The following ZNF675 variants were observed in gnomAD, a reference collection of about 807,000 sequenced individuals.
ZNF675 encodes the protein TRAF6 inhibitory zinc finger.
ZNF675 carries 36 observed loss-of-function variants against 56.1 expected under a neutral mutation model. The observed-to-expected ratio is 0.64, with a 90% confidence interval of 0.49 to 0.85. The LOEUF is 0.85. Ranked by LOEUF, ZNF675 falls within the 40% of genes least tolerant of loss-of-function variation. The pLI is 0.00. For synonymous variants in ZNF675, 200 were observed against 218.9 expected, an observed-to-expected ratio of 0.91 and a Z score of 0.76; for missense variants, 663 against 654.2, an observed-to-expected ratio of 1.01 and a Z score of -0.15.
chr19:23,680,363 A>G (rs1361504825), intron 1 of ZNF675, among the ~76,000 whole-genome samples: 1 of 151,850 alleles, frequency 6.6e-6, no homozygotes, highest in African/African-American at 2.4e-5. Flanking sequence ...CCATAAAAAG[A>G]GACCAAGATC....
In ZNF675 at chr19:23,661,874, C is replaced by T. The variant is rs147899644; in HGVS notation, c.226+240G>A. 7.1e-5 allele frequency: 28 copies of T among 395,742 alleles called. No individual in the cohort carries two copies. In the East Asian group the frequency reaches 1.3e-3, roughly 19 times the overall value. 24.5% of individuals were successfully genotyped at this position (395,742 alleles called of 1,614,324 possible). A position where few individuals can be genotyped will look rare whatever the true frequency, so the allele number is the denominator to read the frequency against. On this transcript the variant is annotated intron_variant, in intron 3 of 3. Transcript: ENST00000359788. ...AGTCTCTTGTATGCCATGAAGCGGA[C>T]ACTGGTTCTCACCGAAAACTTAAAG...
At chr19:23,683,091 A>G (rs571980167) in intron 1 of ZNF675, among the ~76,000 whole-genome samples, 11 of 151,458 alleles carry the variant, frequency 7.3e-5, no homozygotes, top group African/African-American at 2.4e-4. Flanking sequence ...CGGGTGGCTG[A>G]GGCAGAAGAA....
Position 23,653,651 on chromosome 19 carries a change from C to A in ZNF675, c.1282G>T (p.Glu428Ter), listed in dbSNP as rs373298811. ...HTGEKPYKCE[E>*]CGKAFNRSSK... The stretch of plus-strand genomic sequence containing the variant: ...GATCGGTTAAAAGCTTTGCCACATT[C>A]TTCACATTTGTAGGGTTTCTCTCCA... The change falls in exon 4 of 4, where the codon GAA becomes TAA. Residue 428 changes from glutamate (E) to a stop codon, truncating the protein, a stop_gained. Transcript: ENST00000359788. LOFTEE classifies it high-confidence loss of function. 6.8e-6 allele frequency: 11 copies of A among 1,613,568 alleles called. No homozygotes were observed. The highest frequency in any genetic ancestry group is 1.3e-5 in the African/African-American group (1 of 74,886).
rs1283190794 is a variant in ZNF675 at position 23,686,903 on chromosome 19, G to C, written c.3+128C>G. 3.4e-6 allele frequency: 4 copies of C among 1,173,534 alleles called. No individual in the cohort carries two copies. In the African/African-American group the frequency reaches 6.0e-5, roughly 18 times the overall value. The allele number at this position is 1,173,534 out of a possible 1,614,324, so 72.7% of individuals were successfully genotyped here. ...GGCTGCAGGGGACTGAGCCGAGCTG[G>C]GGAAGGAGAACTCGGGGTGCAGATT... On this transcript the variant is annotated intron_variant, in intron 1 of 3. Transcript: ENST00000359788.
chr19:23,656,176 A>C (rs1370081401), intron 3 of ZNF675: 1 of 152,258 alleles, frequency 6.6e-6, no homozygotes, highest in Non-Finnish European at 1.5e-5. Flanking sequence ...AAGGAAAAGT[A>C]AAATTGGCAA....
Position 23,654,009 on chromosome 19 carries a change from T to C in ZNF675, c.924A>G (p.Gly308=), listed in dbSNP as rs1237260685. Residue 308 remains glycine (G), a synonymous_variant, in exon 4 of 4, where the codon GGA becomes GGG. Transcript: ENST00000359788. ...ATTCTTCACATATGTAGGGTTGCTC[T>C]CCAGTATGAATTTTTTTATGTGTAG... The part of the protein sequence containing the change: ...NLTTHKKIHT[G]EQPYICEECG... 6.2e-7 allele frequency: 1 copy of C among 1,613,918 alleles called. No individual in the cohort carries two copies. The highest frequency in any genetic ancestry group is 1.1e-5 in the South Asian group (1 of 91,076).
At chr19:23,654,923 A>G (rs1967962278) in intron 3 of ZNF675, 1 of 406,072 alleles carries the variant, frequency 2.5e-6, no homozygotes, top group Non-Finnish European at 4.4e-6. Context: ...CTACTCCCCA[A>G]TATAACATAA....
At position 23,662,219 on chromosome 19, in the gene ZNF675, T is replaced by C. The variant is rs372875132; in HGVS notation, c.131-10A>G. 17 of 1,591,662 alleles carry C rather than the reference T, an allele frequency of 1.1e-5. No homozygotes were observed. Among genetic ancestry groups the C allele is most frequent in the Non-Finnish European group, 1.5e-5 (17 of 1,163,246 alleles). Reference sequence around the variant, plus strand: ...TTAGAGACAGCAATACCTGTTTTATTAAAAAATAAATAACATTAATTTTGC... The same window carrying C: ...TTAGAGACAGCAATACCTGTTTTATCAAAAAATAAATAACATTAATTTTGC... On this transcript the variant is annotated splice_polypyrimidine_tract_variant and intron_variant, in intron 2 of 3. Coordinates refer to ENST00000359788, the MANE Select transcript of ZNF675 (RefSeq NM_138330.3).
chr19:23,667,921 G>C (rs1045271367), intron 1 of ZNF675, among the ~76,000 whole-genome samples: 8 of 149,238 alleles, frequency 5.4e-5, no homozygotes, highest in African/African-American at 7.5e-5. Flanking sequence ...GTGCCGACTG[G>C]TGTATTTACA....
At position 23,677,108 on chromosome 19, in the gene ZNF675, A is replaced by G. The variant is rs1267703696; in HGVS notation, c.3+9923T>C. ...AAAAAAAAGAGAAAAGAAAAAAAAG[A>G]AAAAGAAAACTGGCACAAGACAAGG... On this transcript the variant is annotated intron_variant, in intron 1 of 3. Transcript: ENST00000359788. Among the ~76,000 whole-genome samples, 10 of 145,848 alleles carry G rather than the reference A, an allele frequency of 6.9e-5. No individual in the cohort carries two copies. In the South Asian group the frequency reaches 2.2e-3, roughly 32 times the overall value.
chr19:23,657,803 C>A (rs1968007519), intron 3 of ZNF675, among the ~76,000 whole-genome samples: 1 of 152,034 alleles, frequency 6.6e-6, no homozygotes, highest in African/African-American at 2.4e-5. Flanking sequence ...AGAATACATA[C>A]AAGATAAGCC....
intron 1 of ZNF675, among the ~76,000 whole-genome samples, chr19:23,680,304 A>G (rs576484058): frequency 6.6e-6 from 1 of 151,742 alleles, no homozygotes; most frequent in South Asian, 2.1e-4. Flanking sequence ...CTCCGTCTCA[A>G]AAAAATAAAA....
chr19:23,662,996 A>C (rs1029538141), intron 2 of ZNF675, 36 bp downstream of exon 2: 4 of 1,521,162 alleles, frequency 2.6e-6, no homozygotes, highest in African/African-American at 2.9e-5. Context: ...AGAAAAACAA[A>C]AAAAAAAAGA....
chr19:23,677,310 A>G (rs1968311156), intron 1 of ZNF675, among the ~76,000 whole-genome samples: 1 of 151,732 alleles, frequency 6.6e-6, no homozygotes, highest in South Asian at 2.1e-4. Context: ...AAGTTCTGTA[A>G]GCTGACAAAC....
intron 3 of ZNF675, among the ~76,000 whole-genome samples, chr19:23,659,326 A>G (rs1968045734): frequency 6.6e-6 from 1 of 152,122 alleles, no homozygotes; most frequent in African/African-American, 2.4e-5. Flanking sequence ...CAGGAGTGAA[A>G]TTGGTAAGAT....
intron 1 of ZNF675, among the ~76,000 whole-genome samples, chr19:23,664,793 A>C (rs535373247): frequency 5.3e-5 from 8 of 152,032 alleles, no homozygotes; most frequent in African/African-American, 1.9e-4. Context: ...TCTACTAAAA[A>C]TACACAAATT....
chr19:23,667,708 C>T (rs2144935836), intron 1 of ZNF675, among the ~76,000 whole-genome samples: 1 of 149,676 alleles, frequency 6.7e-6, no homozygotes, highest in East Asian at 2.0e-4. Flanking sequence ...GAGCTAAACA[C>T]ACGGTGCTGA....
intron 3 of ZNF675, among the ~76,000 whole-genome samples, chr19:23,658,931 C>CTATA (rs1568289248): frequency 5.2e-3 from 76 of 14,598 alleles, no homozygotes; most frequent in Admixed American, 0.013. Context: ...CTATAGATAC[C>CTATA]GATCTATAGA....
chr19:23,677,489 T>C (rs1336418001), intron 1 of ZNF675, among the ~76,000 whole-genome samples: 1 of 151,262 alleles, frequency 6.6e-6, no homozygotes, highest in Non-Finnish European at 1.5e-5. Context: ...GCAGATCACC[T>C]GAGGTCGGGA....
Sources: allele counts gnomAD v4.1 joint callset (sites outside exome capture counted in the v4.1 genomes callset), GRCh38; gene constraint gnomAD v4.1.1; transcripts MANE v1.5; gene names NCBI Gene and HGNC (gene_info 2026-07-23, HGNC 2026-07-21).